The following TDP1 variants were observed in gnomAD, a reference collection of about 807,000 sequenced individuals.
TDP1 encodes tyr-DNA phosphodiesterase 1.
Under a neutral mutation model 81.5 loss-of-function variants are expected in TDP1, and 64 were observed. The ratio of observed to expected loss-of-function variants is 0.79; its 90% CI spans 0.64 to 0.97. TDP1 has a LOEUF of 0.97. Among genes scored for constraint, TDP1 ranks in the 50% least tolerant of loss-of-function variants. TDP1 has a pLI of 0.00. For missense variants in TDP1, 723 were observed against 743.8 expected (o/e 0.97, Z 0.33); for synonymous variants, 256 against 264.3 (o/e 0.97, Z 0.30).
At chr14:89,968,445 G>T (rs1182675061) in intron 5 of TDP1, among the ~76,000 whole-genome samples, 2 of 152,158 alleles carry the variant, frequency 1.3e-5, no homozygotes, top group African/African-American at 4.8e-5. Context: ...GTAGCAGGAA[G>T]GGGAAAGGAG....
chr14:89,969,471 C>T (rs1893333474), intron 5 of TDP1, among the ~76,000 whole-genome samples: 1 of 152,090 alleles, frequency 6.6e-6, no homozygotes, highest in African/African-American at 2.4e-5. Context: ...GTCGTAGAAC[C>T]AATAAATTTG....
chr14:90,044,618 CAG>C lies in TDP1; in HGVS notation c.*1476_*1477del, dbSNP rs1888646759. ...GGCGATAGAGCAGGAGGCAGGGAGA[CAG>C]GGCTGCAGGGCCTCCCACCTTCCAA... is the stretch of plus-strand genomic sequence containing the variant. On this transcript the variant is annotated 3_prime_UTR_variant, in exon 17 of 17. Coordinates refer to ENST00000335725, the MANE Select transcript of TDP1 (RefSeq NM_018319.4). 6.6e-6 allele frequency: 1 copy of C among 152,394 alleles called. No homozygotes were observed. The highest frequency in any genetic ancestry group is 1.9e-4 in the East Asian group (1 of 5,188). 9.4% of individuals were successfully genotyped at this position (152,394 alleles called of 1,614,324 possible).
At chr14:90,041,615 C>T (rs1409111732) in intron 16 of TDP1, among the ~76,000 whole-genome samples, 1 of 152,218 alleles carries the variant, frequency 6.6e-6, no homozygotes, top group Non-Finnish European at 1.5e-5. Context: ...GAGGCGAGTT[C>T]GCAGTTGGGA....
upstream of TDP1, chr14:89,955,789 T>C (rs540570456): frequency 3.9e-3 from 577 of 149,596 alleles, 3 homozygotes; most frequent in Non-Finnish European, 6.6e-3. Flanking sequence ...AGACCAGGTT[T>C]CCCCAGCCCC....
intron 16 of TDP1, among the ~76,000 whole-genome samples, chr14:90,042,358 ATT>A (rs1888439350): frequency 1.3e-5 from 2 of 152,120 alleles, no homozygotes; most frequent in South Asian, 4.1e-4. Context: ...GTCTATGTGG[ATT>A]TTTCTCAGTC....
intron 14 of TDP1, among the ~76,000 whole-genome samples, chr14:90,017,651 TTG>T (rs1415960745): frequency 7.2e-5 from 11 of 152,066 alleles, no homozygotes; most frequent in Non-Finnish European, 8.8e-5. Flanking sequence ...TAGTCAAGAG[TTG>T]GCCAGAAAGC....
chr14:89,964,567 GTGT>G (rs1283716110), intron 3 of TDP1, among the ~76,000 whole-genome samples: 4 of 152,172 alleles, frequency 2.6e-5, no homozygotes, highest in Non-Finnish European at 5.9e-5. Flanking sequence ...ACTGTCAGCA[GTGT>G]TGTTCTTTTT....
chr14:90,031,581 C>T (rs1887288273), intron 15 of TDP1, among the ~76,000 whole-genome samples: 1 of 151,440 alleles, frequency 6.6e-6, no homozygotes, highest in Admixed American at 6.6e-5. Flanking sequence ...TGCTTGAACC[C>T]GGGTGGCAGA....
chr14:90,000,379 G>A (rs1225565615), intron 14 of TDP1, among the ~76,000 whole-genome samples: 2 of 152,100 alleles, frequency 1.3e-5, no homozygotes, highest in Non-Finnish European at 1.5e-5. Flanking sequence ...GCCATCTTTC[G>A]ATTCTGCTTT....
Position 89,980,621 on chromosome 14 carries a change from G to C in TDP1, c.873G>C (p.Gln291His). The C allele has an allele frequency of 6.2e-7, 1 of 1,614,138 alleles. No individual in the cohort carries two copies. Among genetic ancestry groups the C allele is most frequent in the African/African-American group, 1.3e-5 (1 of 75,050 alleles). The change falls in exon 8 of 17, where the codon CAG becomes CAC. Residue 291 changes from glutamine to histidine, a missense_variant. Gln to His is a conservative substitution (Grantham distance 24). Transcript: ENST00000335725. ...TSNLIHADWHQKTQGIWLSPL... is the reference protein window; with the variant it reads ...TSNLIHADWHHKTQGIWLSPL... ...ACCTCATCCATGCTGACTGGCACCA[G>C]AAAACTCAAGGGTTCGTAGGGGCCT...
intron 16 of TDP1, 123 bp from the exon 17 acceptor site, chr14:90,042,947 G>T: frequency 6.4e-7 from 1 of 1,559,088 alleles, no homozygotes. Context: ...TTCTGGGCTT[G>T]GTTCAGAAAA....
chr14:89,956,612 C>T lies in TDP1; in HGVS notation c.-196C>T, dbSNP rs1420728469. On this transcript the variant is annotated 5_prime_UTR_variant, in exon 2 of 17. Transcript: ENST00000335725. ...ACACAGCTGTATTAAAAAGGCAAAT[C>T]GAAGGCCGGGCGCGGTGACTCACGC... 2.0e-5 allele frequency: 3 copies of T among 152,340 alleles called. No homozygotes were observed. The highest frequency in any genetic ancestry group is 4.4e-5 in the Non-Finnish European group (3 of 68,202). The allele number at this position is 152,340 out of a possible 1,614,324, so 9.4% of individuals were successfully genotyped here. A position where few individuals can be genotyped will look rare whatever the true frequency, so the allele number is the denominator to read the frequency against.
chr14:89,963,652 T>G lies in TDP1; in HGVS notation c.538T>G (p.Ser180Ala). The part of the protein sequence containing the change: ...RVSGVKPKYN[S>A]GALHIKDILS... ...CTCTGGAGTTAAGCCAAAGTATAAC[T>G]CTGGAGCCCTCCACATCAAGGGTAA... The change falls in exon 3 of 17, where the codon TCT (serine) becomes GCT (alanine). Residue 180 changes from serine to alanine, a missense_variant. Ser to Ala is a moderately conservative substitution (Grantham distance 99, BLOSUM62 1). Transcript: ENST00000335725. The G allele has an allele frequency of 6.2e-7, 1 of 1,614,018 alleles. No individual in the cohort carries two copies. The highest frequency in any genetic ancestry group is 8.5e-7 in the Non-Finnish European group (1 of 1,179,928).
chr14:89,977,863 T>TGGTTG (rs1185596798), intron 7 of TDP1, among the ~76,000 whole-genome samples: 1 of 150,910 alleles, frequency 6.6e-6, no homozygotes. Context: ...TGTCCAGTTT[T>TGGTTG]GGTTGGATGC....
chr14:90,019,138 G>A, intron 14 of TDP1, 178 bp from the exon 15 acceptor site: 1 of 958,298 alleles, frequency 1.0e-6, no homozygotes, highest in Non-Finnish European at 1.2e-6. Flanking sequence ...AAATCTCGAG[G>A]ATTAGAGAAC....
chr14:89,963,336 C>T lies in TDP1; in HGVS notation c.222C>T (p.Pro74=), dbSNP rs1751515427. ...GCAATACAGATTCAGTTTTACCTCC[C>T]AAAAGGCAGAAAAGCGGTTCCCAGG... ...KFSNTDSVLP[P]KRQKSGSQED... is the part of the protein sequence containing the mutation. The change falls in exon 3 of 17, where the codon CCC becomes CCT. Residue 74 remains proline (P), a synonymous_variant. Coordinates refer to ENST00000335725, the MANE Select transcript of TDP1 (RefSeq NM_018319.4). 1 of 1,614,034 alleles carries T rather than the reference C, an allele frequency of 6.2e-7. No individual in the cohort carries two copies. Among genetic ancestry groups the T allele is most frequent in the African/African-American group, 1.3e-5 (1 of 74,920 alleles).
intron 14 of TDP1, among the ~76,000 whole-genome samples, chr14:89,997,623 G>A (rs961554236): frequency 6.6e-6 from 1 of 152,072 alleles, no homozygotes; most frequent in Non-Finnish European, 1.5e-5. Flanking sequence ...TTCCAGAGGA[G>A]AATATAGCGG....
At chr14:90,030,767 T>C (rs947209958) in intron 15 of TDP1, among the ~76,000 whole-genome samples, 4 of 148,354 alleles carry the variant, frequency 2.7e-5, no homozygotes, top group South Asian at 2.1e-4. Flanking sequence ...ATCTCATTTT[T>C]ACTCTTTTTT....
At chr14:90,004,314 C>T (rs958413234) in intron 14 of TDP1, among the ~76,000 whole-genome samples, 1 of 152,198 alleles carries the variant, frequency 6.6e-6, no homozygotes, top group African/African-American at 2.4e-5. Context: ...AAGTGCACAT[C>T]TGGCTTGAGA....
Sources: gnomAD v4.1 joint callset for allele counts (sites outside exome capture counted in the v4.1 genomes callset) on GRCh38, gnomAD v4.1.1 for gene constraint, MANE v1.5 for transcripts, NCBI Gene and HGNC (gene_info 2026-07-23, HGNC 2026-07-21) for gene names.